GNAS: variants seen among roughly 807,000 people sequenced by gnomAD.
GNAS encodes GNAS complex locus.
Under a neutral mutation model 54.5 loss-of-function variants are expected in GNAS, and 8 were observed. The ratio of observed to expected loss-of-function variants is 0.15; its 90% CI spans 0.09 to 0.26. GNAS has a LOEUF of 0.26. GNAS is among the 10% of genes least tolerant of loss of function. The probability of loss-of-function intolerance (pLI) is 1.00; values close to 1 mark genes in which losing one functional copy is unlikely to be tolerated. For synonymous variants in GNAS, 204 were observed against 191.4 expected (o/e 1.07, Z -0.54); for missense variants, 170 against 529.8 (o/e 0.32, Z 6.67).
At chr20:58,858,296 T>C (rs1323938579) in intron 1 of GNAS, among the ~76,000 whole-genome samples, 2 of 152,236 alleles carry the variant, frequency 1.3e-5, no homozygotes, top group African/African-American at 4.8e-5. Context: ...AAAAAATGTA[T>C]GTTCATGTGC....
In GNAS at chr20:58,872,198, C is replaced by T. The variant is rs147882135; in HGVS notation, c.44-23414C>T. Reference sequence around the variant, plus strand: ...AAGTGTTTACCTCCTGATTCTAAAACGATGGTCCAATTTTTGTTTTATTTT... The same window carrying T: ...AAGTGTTTACCTCCTGATTCTAAAATGATGGTCCAATTTTTGTTTTATTTT... On this transcript the variant is annotated intron_variant, in intron 1 of 12. Transcript: ENST00000306090. Among the ~76,000 whole-genome samples, 7 of 152,304 alleles carry T rather than the reference C, an allele frequency of 4.6e-5. No individual in the cohort carries two copies. In the East Asian group the frequency reaches 5.8e-4, roughly 13 times the overall value.
chr20:58,854,171 G>C, intron 1 of GNAS: 1 of 1,612,840 alleles, frequency 6.2e-7, no homozygotes, highest in South Asian at 1.1e-5. Context: ...GCCCCTGGAT[G>C]GAGATCTCCG....
chr20:58,874,300 G>A (rs1055975025), intron 1 of GNAS, among the ~76,000 whole-genome samples: 2 of 152,236 alleles, frequency 1.3e-5, no homozygotes, highest in African/African-American at 4.8e-5. Context: ...GCTGAGAACT[G>A]CCTTTTGCCA....
chr20:58,850,145 T>G (rs1450657993), intron 1 of GNAS, among the ~76,000 whole-genome samples: 1 of 152,154 alleles, frequency 6.6e-6, no homozygotes, highest in Non-Finnish European at 1.5e-5. Flanking sequence ...CCACCTTCTA[T>G]TCATAGCCAA....
In GNAS at chr20:58,857,767, C is replaced by A. The variant is rs2086580208; in HGVS notation, c.43+16881C>A. Among the ~76,000 whole-genome samples, 1 of 152,110 alleles carries A rather than the reference C, an allele frequency of 6.6e-6. No homozygotes were observed. Among genetic ancestry groups the A allele is most frequent in the Non-Finnish European group, 1.5e-5 (1 of 68,018 alleles). On this transcript the variant is annotated intron_variant, in intron 1 of 12. Coordinates refer to the GNAS transcript ENST00000306090. The surrounding 1 kb of genome is among the most constrained non-coding windows in gnomAD (Gnocchi z 4.1). ...GCAGCAAACTGTCCATGTTTGGGACCAGTCTTAAGAATATTAGAAGTTTCC... is the reference window on the plus strand; with the variant it reads ...GCAGCAAACTGTCCATGTTTGGGACAAGTCTTAAGAATATTAGAAGTTTCC...
rs113263566 is a variant in GNAS at position 58,882,037 on chromosome 20, T to C, written c.44-13575T>C. On this transcript the variant is annotated intron_variant, in intron 1 of 12. Coordinates refer to the GNAS transcript ENST00000306090. ...TCCCTACCTTTCTAGACATTGCAGG[T>C]CCATCTCCATTTTCTTTTTTGTTTG... Among the ~76,000 whole-genome samples the C allele has an allele frequency of 5.0e-3, 764 of 152,292 alleles. 4 individuals are homozygous for C. The highest frequency in any genetic ancestry group is 0.017 in the African/African-American group (719 of 41,558).
At chr20:58,906,242 A>C (rs2091036853) in intron 6 of GNAS, among the ~76,000 whole-genome samples, 1 of 152,242 alleles carries the variant, frequency 6.6e-6, no homozygotes, top group African/African-American at 2.4e-5. Context: ...TCACTCATAA[A>C]GGTGGGCTCA....
At chr20:58,894,628 C>A (rs1261691051) in intron 1 of GNAS, among the ~76,000 whole-genome samples, 1 of 152,180 alleles carries the variant, frequency 6.6e-6, no homozygotes, top group Non-Finnish European at 1.5e-5. Flanking sequence ...AATCCTCCCT[C>A]TAGCTTGATG....
Position 58,910,903 on chromosome 20 carries a change from TA to T in GNAS, c.*76del, listed in dbSNP as rs764165261. On this transcript the variant is annotated 3_prime_UTR_variant, in exon 13 of 13. Coordinates refer to ENST00000371085, the MANE Select transcript of GNAS (RefSeq NM_000516.7). The surrounding 1 kb of genome is among the most constrained non-coding windows in gnomAD (Gnocchi z 5.8). The stretch of plus-strand genomic sequence containing the variant: ...AGTGAAACGTAATTGTACAAGCAGT[TA>T]ATCACCCACCATAGGGCATGATTAA... 79 of 1,429,192 alleles carry T rather than the reference TA, an allele frequency of 5.5e-5. No homozygotes were observed. The highest frequency in any genetic ancestry group is 7.5e-5 in the Non-Finnish European group (76 of 1,017,420). 88.5% of individuals were successfully genotyped at this position (1,429,192 alleles called of 1,614,324 possible). A position where few individuals can be genotyped will look rare whatever the true frequency, so the allele number is the denominator to read the frequency against.
At position 58,855,250 on chromosome 20, in the gene GNAS, A is replaced by G. The variant is rs770112423; in HGVS notation, c.43+14364A>G. The G allele has an allele frequency of 8.8e-6, 14 of 1,590,438 alleles. No homozygotes were observed. The highest frequency in any genetic ancestry group is 1.1e-5 in the Non-Finnish European group (13 of 1,168,248). The stretch of plus-strand genomic sequence containing the variant: ...GAGAAGCGGGCCCAGAAGCGCGCAG[A>G]GAAGAAACGCAGTAAGCTCATCGAC... On this transcript the variant is annotated intron_variant, in intron 1 of 12. Coordinates refer to the GNAS transcript ENST00000306090.
At chr20:58,852,825 G>A (rs1018446909) in intron 1 of GNAS, 23 of 238,326 alleles carry the variant, frequency 9.7e-5, no homozygotes, top group African/African-American at 4.9e-4. Context: ...GCCAGGAGCA[G>A]GCTCCTGGAG....
chr20:58,840,819 G>A (rs764628148), upstream of GNAS: 17 of 1,612,858 alleles, frequency 1.1e-5, no homozygotes, highest in Admixed American at 1.7e-5. This position sits in a 1 kb window ranked among gnomAD's most constrained non-coding sequence, Gnocchi z 6.0. Flanking sequence ...TCCAAAAAGG[G>A]ACCCATCCCC....
chr20:58,857,524 C>G lies in GNAS; in HGVS notation c.43+16638C>G, dbSNP rs2145599975. On this transcript the variant is annotated intron_variant, in intron 1 of 12. Coordinates refer to the GNAS transcript ENST00000306090. The surrounding 1 kb of genome is among the most constrained non-coding windows in gnomAD (Gnocchi z 4.1). Reference sequence around the variant, plus strand: ...CAGGAGACCCAAGTGACAGTGTGCACCTGACCCCTAATTGTCAAATTGGTG... The same window carrying G: ...CAGGAGACCCAAGTGACAGTGTGCAGCTGACCCCTAATTGTCAAATTGGTG... Among the ~76,000 whole-genome samples, 1 of 152,298 alleles carries G rather than the reference C, an allele frequency of 6.6e-6. No homozygotes were observed. Among genetic ancestry groups the G allele is most frequent in the Non-Finnish European group, 1.5e-5 (1 of 68,026 alleles).
intron 1 of GNAS, among the ~76,000 whole-genome samples, chr20:58,869,556 A>T (rs1215367484): frequency 2.6e-5 from 4 of 152,236 alleles, no homozygotes; most frequent in Non-Finnish European, 5.9e-5. Flanking sequence ...TAAGGGGCCT[A>T]CCTGGAGAAG....
chr20:58,875,417 C>G (rs952373304), intron 1 of GNAS, among the ~76,000 whole-genome samples: 2 of 152,178 alleles, frequency 1.3e-5, no homozygotes, highest in South Asian at 4.1e-4. Flanking sequence ...CCCAGAGAGT[C>G]ACATTTTTAA....
chr20:58,906,754 A>T (rs1025241385), intron 6 of GNAS, among the ~76,000 whole-genome samples: 1 of 151,910 alleles, frequency 6.6e-6, no homozygotes, highest in Non-Finnish European at 1.5e-5. Context: ...CTGGTCTCGA[A>T]CTCCTGACCT....
In GNAS at chr20:58,841,670, G is replaced by C; in HGVS notation, c.43+784G>C. ...GCGGGCGGTTAGGGGAAAGTACCTG[G>C]GGGAAAGGTAGAGGAGGTAAGGGGA... is the stretch of plus-strand genomic sequence containing the variant. On this transcript the variant is annotated intron_variant, in intron 1 of 12. Coordinates refer to the GNAS transcript ENST00000306090. This position sits in a 1 kb window ranked among gnomAD's most constrained non-coding sequence, Gnocchi z 5.0. 6.0e-6 allele frequency: 7 copies of C among 1,165,690 alleles called. No homozygotes were observed. Among genetic ancestry groups the C allele is most frequent in the Non-Finnish European group, 7.4e-6 (7 of 945,672 alleles). The allele number at this position is 1,165,690 out of a possible 1,614,324, so 72.2% of individuals were successfully genotyped here.
At chr20:58,907,607 TTCTC>T (rs915645081) in intron 6 of GNAS, among the ~76,000 whole-genome samples, 2 of 152,234 alleles carry the variant, frequency 1.3e-5, no homozygotes, top group Non-Finnish European at 2.9e-5. Flanking sequence ...GGGTTTCGTT[TTCTC>T]TCTCAAATCA....
chr20:58,892,284 G>A (rs2089498895), intron 1 of GNAS: 2 of 653,854 alleles, frequency 3.1e-6, no homozygotes, highest in Non-Finnish European at 3.8e-6. Flanking sequence ...TCGGGGACAG[G>A]AAACCGGGTG....
Sources: allele counts gnomAD v4.1 joint callset (sites outside exome capture counted in the v4.1 genomes callset), GRCh38; gene constraint gnomAD v4.1.1; non-coding constraint Gnocchi (gnomAD v3.1); transcripts MANE v1.5; gene names NCBI Gene and HGNC (gene_info 2026-07-23, HGNC 2026-07-21).